The following FIRRM variants were observed in gnomAD, a reference collection of about 807,000 sequenced individuals.
The protein encoded by FIRRM is FIGNL1 interacting regulator of recombination and mitosis.
chr1:169,842,276 G>T, the FIRRM span: 2 of 666,020 alleles, frequency 3.0e-6, no homozygotes, highest in East Asian at 6.0e-5. Flanking sequence ...TGAAAAGATG[G>T]CTTTGGCTCT....
chr1:169,843,030 C>T, the FIRRM span, among the ~76,000 whole-genome samples: 8 of 152,136 alleles, frequency 5.3e-5, no homozygotes, highest in East Asian at 1.9e-4. Flanking sequence ...TGGTTGTACA[C>T]GTGTTTCTTA....
the FIRRM span, among the ~76,000 whole-genome samples, chr1:169,818,151 G>C: frequency 6.6e-6 from 1 of 152,088 alleles, no homozygotes; most frequent in Non-Finnish European, 1.5e-5. Context: ...TGTTTCTTCA[G>C]TAGTCTTCAA....
chr1:169,811,498 T>C, the FIRRM span, among the ~76,000 whole-genome samples: 3 of 151,908 alleles, frequency 2.0e-5, no homozygotes, highest in East Asian at 5.8e-4. Context: ...CTACAAAAAA[T>C]AAAAAAATTC....
chr1:169,842,310 T>G, the FIRRM span: 9 of 1,103,692 alleles, frequency 8.2e-6, no homozygotes, highest in Admixed American at 5.2e-5. Flanking sequence ...CTACATGGAC[T>G]TTATGAAGAG....
the FIRRM span, chr1:169,852,800 A>G: frequency 6.2e-7 from 1 of 1,613,968 alleles, no homozygotes; most frequent in East Asian, 2.2e-5. Flanking sequence ...CCTTATGCAA[A>G]AAGAGCTCGT....
the FIRRM span, chr1:169,853,534 T>TAA: frequency 1.6e-6 from 1 of 640,044 alleles, no homozygotes; most frequent in Non-Finnish European, 2.7e-6. Flanking sequence ...CACCCAGGGC[T>TAA]TTTAGCCAGC....
chr1:169,815,697 T>G, the FIRRM span, among the ~76,000 whole-genome samples: 843 of 152,342 alleles, frequency 5.5e-3, 4 homozygotes, highest in Middle Eastern at 0.017. Context: ...TGTCTTGTGC[T>G]GACCTCCTAT....
At chr1:169,843,631 T>C in the FIRRM span, 23 of 1,155,162 alleles carry the variant, frequency 2.0e-5, no homozygotes, top group South Asian at 2.6e-4. Flanking sequence ...ATTATTCTTA[T>C]GTGATTGAAA....
chr1:169,821,600 A>G, the FIRRM span: 1 of 1,055,354 alleles, frequency 9.5e-7, no homozygotes, highest in South Asian at 1.9e-5. Flanking sequence ...TTTAGAAAAT[A>G]TTGTCTCATT....
the FIRRM span, among the ~76,000 whole-genome samples, chr1:169,784,678 G>T: frequency 6.6e-6 from 1 of 152,102 alleles, no homozygotes; most frequent in Non-Finnish European, 1.5e-5. Flanking sequence ...ATCTGACAAA[G>T]TCCCCTGACT....
chr1:169,810,352 C>G, the FIRRM span, among the ~76,000 whole-genome samples: 1 of 152,194 alleles, frequency 6.6e-6, no homozygotes, highest in Non-Finnish European at 1.5e-5. Flanking sequence ...GTTGCCGTAA[C>G]AAGTTACCAC....
the FIRRM span, among the ~76,000 whole-genome samples, chr1:169,812,718 G>A: frequency 6.6e-6 from 1 of 151,952 alleles, no homozygotes; most frequent in Non-Finnish European, 1.5e-5. Context: ...TTAGCCAGGA[G>A]TGATGGTGCG....
chr1:169,786,636 T>A, the FIRRM span, among the ~76,000 whole-genome samples: 10 of 152,310 alleles, frequency 6.6e-5, no homozygotes, highest in East Asian at 1.5e-3. Context: ...CCATCTAGTT[T>A]ACAGAAATTC....
chr1:169,808,045 T>G, the FIRRM span: 1 of 1,040,550 alleles, frequency 9.6e-7, no homozygotes, highest in Non-Finnish European at 1.4e-6. Context: ...TTATTTCATT[T>G]GGGTGTTTTT....
At chr1:169,787,062 G>A in the FIRRM span, among the ~76,000 whole-genome samples, 76,655 of 151,608 alleles carry the variant, frequency 0.51, 19,832 homozygotes, top group Middle Eastern at 0.63. Context: ...TGCTGCTGCT[G>A]CAGTGTAGCC....
At chr1:169,853,355 GGCACAAAA>G in the FIRRM span, 1 of 312,864 alleles carries the variant, frequency 3.2e-6, no homozygotes, top group Non-Finnish European at 5.8e-6. Flanking sequence ...GTTAAAGAAT[GGCACAAAA>G]TTAAGCTAAC....
At chr1:169,805,876 T>C in the FIRRM span, 5 of 637,918 alleles carry the variant, frequency 7.8e-6, no homozygotes, top group Middle Eastern at 3.2e-4. Context: ...CACAACTGTT[T>C]CCAAGTTGTG....
At chr1:169,833,532 A>G in the FIRRM span, among the ~76,000 whole-genome samples, 1 of 152,198 alleles carries the variant, frequency 6.6e-6, no homozygotes, top group African/African-American at 2.4e-5. Flanking sequence ...AAAAGTTTGT[A>G]AAGACTTGGA....
At chr1:169,797,888 G>A in the FIRRM span, among the ~76,000 whole-genome samples, 158 of 152,206 alleles carry the variant, frequency 1.0e-3, 1 homozygote, top group East Asian at 0.011. Flanking sequence ...TTCTTATGGT[G>A]TTGTTACAGT....
Sources: allele counts gnomAD v4.1 joint callset (sites outside exome capture counted in the v4.1 genomes callset), GRCh38; gene constraint gnomAD v4.1.1; transcripts MANE v1.5; gene names NCBI Gene and HGNC (gene_info 2026-07-23, HGNC 2026-07-21).